ATG10: variants seen among roughly 807,000 people sequenced by gnomAD.
The protein encoded by ATG10 is ubiquitin-like-conjugating enzyme ATG10.
ATG10 carries 30 observed loss-of-function variants against 32.1 expected under a neutral mutation model. That is an observed-to-expected ratio of 0.94 (90% CI 0.70 to 1.27). The LOEUF is 1.27. Among genes scored for constraint, ATG10 ranks in the 50% most tolerant of loss-of-function variants. The probability of loss-of-function intolerance (pLI) is 0.00; values close to 1 mark genes in which losing one functional copy is unlikely to be tolerated. For missense variants in ATG10, 233 were observed against 262.3 expected (o/e 0.89, Z 0.77); for synonymous variants, 87 against 91.5 (o/e 0.95, Z 0.28).
chr5:82,175,290 C>T (rs1743968200), intron 4 of ATG10, among the ~76,000 whole-genome samples: 1 of 152,114 alleles, frequency 6.6e-6, no homozygotes, highest in Non-Finnish European at 1.5e-5. Context: ...CTTTCCTGGC[C>T]TCTTGTCTCT....
In ATG10 at chr5:82,058,489, A is replaced by G. The variant is rs753799304; in HGVS notation, c.109-6A>G. Reference sequence around the variant, plus strand: ...TTCTTATATATTTTTTGGTGATGAAACACAGGACTGTTCTGATGGCTACAT... The same window carrying G: ...TTCTTATATATTTTTTGGTGATGAAGCACAGGACTGTTCTGATGGCTACAT... On this transcript the variant is annotated splice_region_variant and splice_polypyrimidine_tract_variant and intron_variant, in intron 2 of 7. Coordinates refer to ENST00000282185, the MANE Select transcript of ATG10 (RefSeq NM_031482.5). 3.8e-6 allele frequency: 6 copies of G among 1,598,712 alleles called. No individual in the cohort carries two copies. The highest frequency in any genetic ancestry group is 5.1e-6 in the Non-Finnish European group (6 of 1,170,786).
intron 3 of ATG10, among the ~76,000 whole-genome samples, chr5:82,139,941 G>A (rs1287162516): frequency 1.5e-5 from 2 of 136,240 alleles, no homozygotes; most frequent in Non-Finnish European, 1.6e-5. Flanking sequence ...AGGGAGGTGG[G>A]GGGGTCAGCC....
chr5:82,124,492 C>T (rs1766180678), intron 3 of ATG10, among the ~76,000 whole-genome samples: 1 of 151,668 alleles, frequency 6.6e-6, no homozygotes, highest in South Asian at 2.1e-4. Flanking sequence ...ATGTTCCCCT[C>T]CCTGTGCCGT....
chr5:82,018,377 T>C (rs1179365035), intron 2 of ATG10, among the ~76,000 whole-genome samples: 1 of 152,198 alleles, frequency 6.6e-6, no homozygotes, highest in East Asian at 1.9e-4. Context: ...GTATAAACTA[T>C]CGTCAACTCT....
chr5:82,210,209 A>G (rs1354026360), intron 5 of ATG10, among the ~76,000 whole-genome samples: 1 of 152,168 alleles, frequency 6.6e-6, no homozygotes, highest in African/African-American at 2.4e-5. Context: ...CTTTTTATTT[A>G]GAGCCAGATG....
intron 3 of ATG10, among the ~76,000 whole-genome samples, chr5:82,065,689 GA>G: frequency 6.6e-6 from 1 of 151,980 alleles, no homozygotes; most frequent in East Asian, 1.9e-4. Context: ...TAATAGTAGT[GA>G]AAAACGTGAT....
In ATG10 at chr5:82,254,469, G is replaced by C. The variant is rs1374624361; in HGVS notation, c.*406G>C. ...AGCTCCCCAGGAGGCTGAGGTGGGA[G>C]GTTGGCTTTAACCCAGGAGGCAGAG... On this transcript the variant is annotated 3_prime_UTR_variant, in exon 8 of 8. Coordinates refer to ENST00000282185, the MANE Select transcript of ATG10 (RefSeq NM_031482.5). 1.3e-5 allele frequency: 2 copies of C among 151,198 alleles called. No individual in the cohort carries two copies. The highest frequency in any genetic ancestry group is 2.9e-5 in the Non-Finnish European group (2 of 68,000). 9.4% of individuals were successfully genotyped at this position (151,198 alleles called of 1,614,324 possible). A position where few individuals can be genotyped will look rare whatever the true frequency, so the allele number is the denominator to read the frequency against.
intron 2 of ATG10, among the ~76,000 whole-genome samples, chr5:82,056,711 T>C (rs1308780607): frequency 6.6e-6 from 1 of 152,096 alleles, no homozygotes; most frequent in Non-Finnish European, 1.5e-5. Context: ...GAGCTGTAAT[T>C]AGTGTAACAG....
chr5:82,115,181 GA>G (rs1457042373), intron 3 of ATG10, among the ~76,000 whole-genome samples: 1 of 151,992 alleles, frequency 6.6e-6, no homozygotes, highest in African/African-American at 2.4e-5. Context: ...AGAAATCAAC[GA>G]TGAAAAGTTT....
chr5:82,164,730 A>G (rs1333215651), intron 4 of ATG10, among the ~76,000 whole-genome samples, 193 bp downstream of exon 4: 1 of 152,230 alleles, frequency 6.6e-6, no homozygotes, highest in Non-Finnish European at 1.5e-5. Context: ...GAATGATATC[A>G]TCTCAGCCTT....
intron 2 of ATG10, among the ~76,000 whole-genome samples, chr5:82,002,671 T>C (rs1761882309): frequency 6.6e-6 from 1 of 152,052 alleles, no homozygotes; most frequent in Non-Finnish European, 1.5e-5. Flanking sequence ...AGGGTGAGGA[T>C]CCGGAAACCA....
chr5:82,029,318 A>G (rs1762680616), intron 2 of ATG10, among the ~76,000 whole-genome samples: 1 of 115,402 alleles, frequency 8.7e-6, no homozygotes, highest in South Asian at 2.9e-4. Context: ...TAATTATACA[A>G]TATAAAGAAA....
intron 3 of ATG10, among the ~76,000 whole-genome samples, chr5:82,142,542 G>T (rs1767194493): frequency 6.6e-6 from 1 of 152,150 alleles, no homozygotes; most frequent in Non-Finnish European, 1.5e-5. Flanking sequence ...GAAGATAAGG[G>T]TGCACATATG....
intron 2 of ATG10, among the ~76,000 whole-genome samples, chr5:82,018,153 C>T (rs970295424): frequency 7.2e-5 from 11 of 152,168 alleles, no homozygotes; most frequent in African/African-American, 1.9e-4. Flanking sequence ...CTAGTCTCCC[C>T]GCTCCCAAAC....
intron 2 of ATG10, among the ~76,000 whole-genome samples, chr5:81,993,677 T>G (rs1305041867): frequency 2.0e-5 from 3 of 151,858 alleles, no homozygotes; most frequent in Non-Finnish European, 4.4e-5. Context: ...CCGCCTGCCT[T>G]GGCTTCCCAA....
intron 5 of ATG10, among the ~76,000 whole-genome samples, chr5:82,184,010 G>T (rs906737925): frequency 6.6e-6 from 1 of 152,142 alleles, no homozygotes; most frequent in Non-Finnish European, 1.5e-5. Flanking sequence ...TGGCTTCCTT[G>T]TTTAGTGGTA....
chr5:82,205,170 G>T (rs1430475324), intron 5 of ATG10, among the ~76,000 whole-genome samples: 1 of 152,154 alleles, frequency 6.6e-6, no homozygotes, highest in Admixed American at 6.5e-5. Flanking sequence ...GAGAAGTCAG[G>T]TAAGAAAAGA....
chr5:81,993,340 T>TTCC (rs1761526269), intron 2 of ATG10, among the ~76,000 whole-genome samples: 4 of 42,798 alleles, frequency 9.3e-5, no homozygotes, highest in African/African-American at 4.1e-4. Context: ...TCCTTCCTTC[T>TTCC]TTCTTTCTTT....
At chr5:82,017,554 C>T (rs910940254) in intron 2 of ATG10, among the ~76,000 whole-genome samples, 4 of 152,098 alleles carry the variant, frequency 2.6e-5, no homozygotes, top group African/African-American at 9.7e-5. Flanking sequence ...TCATAGATGG[C>T]TTTTTTACCT....
Sources: allele counts gnomAD v4.1 joint callset (sites outside exome capture counted in the v4.1 genomes callset), GRCh38; gene constraint gnomAD v4.1.1; transcripts MANE v1.5; gene names NCBI Gene and HGNC (gene_info 2026-07-23, HGNC 2026-07-21).